AMZ2: variants seen among roughly 807,000 people sequenced by gnomAD.
AMZ2 encodes the protein archaelysin family metallopeptidase 2.
In AMZ2, 26 loss-of-function variants were observed where a neutral mutation model predicts 36.7. That is an observed-to-expected ratio of 0.71 (90% CI 0.52 to 0.98). The LOEUF (loss-of-function observed/expected upper bound fraction) is 0.98, where lower values mean the gene tolerates loss of function less well. Among genes scored for constraint, AMZ2 ranks in the 50% least tolerant of loss-of-function variants. The pLI is 0.00. For missense variants in AMZ2, 394 were observed against 430.5 expected (o/e 0.92, Z 0.75); for synonymous variants, 144 against 149.1 (o/e 0.97, Z 0.25).
chr17:68,250,993 A>G (rs781859120), intron 3 of AMZ2, 26 bp downstream of exon 3: 1 of 1,611,412 alleles, frequency 6.2e-7, no homozygotes, highest in Non-Finnish European at 8.5e-7. Context: ...TTGCAATTCG[A>G]ACTGAGTATA....
chr17:68,226,614 A>G (rs2073522522), intron 1 of AMZ2, among the ~76,000 whole-genome samples: 1 of 152,164 alleles, frequency 6.6e-6, no homozygotes, highest in Non-Finnish European at 1.5e-5. Flanking sequence ...CTTAGGTGGC[A>G]CCCAGTCTGG....
intron 1 of AMZ2, among the ~76,000 whole-genome samples, chr17:68,209,624 A>ATG (rs1453518334): frequency 1.1e-5 from 1 of 93,462 alleles, no homozygotes; most frequent in South Asian, 3.6e-4. Flanking sequence ...ATATATATAT[A>ATG]TATATATATT....
chr17:68,255,029 C>CGA (rs2074791978), intron 5 of AMZ2, among the ~76,000 whole-genome samples: 1 of 152,202 alleles, frequency 6.6e-6, no homozygotes, highest in South Asian at 2.1e-4. Flanking sequence ...GAAAGCCTAT[C>CGA]TCCCCTTTCT....
At chr17:68,206,217 A>T in exon 1 of AMZ2, 1 of 1,303,318 alleles carries the variant, frequency 7.7e-7, no homozygotes, top group Non-Finnish European at 9.8e-7. Flanking sequence ...CAGGAGCCAT[A>T]GTACCTACAG....
At chr17:68,216,483 CAA>C (rs1169315045) in intron 1 of AMZ2, among the ~76,000 whole-genome samples, 3 of 152,184 alleles carry the variant, frequency 2.0e-5, no homozygotes, top group Non-Finnish European at 4.4e-5. Flanking sequence ...GACTAAATCT[CAA>C]AGAGGTTAAA....
intron 1 of AMZ2, chr17:68,249,371 T>C: frequency 6.1e-6 from 1 of 164,532 alleles, no homozygotes; most frequent in East Asian, 1.6e-4. Context: ...AGTGGCACGA[T>C]CACGGCCCAC....
rs1235634491 is a variant in AMZ2, at chr17:68,254,600, C to A, written c.750+33C>A. The A allele has an allele frequency of 6.5e-6, 10 of 1,550,108 alleles. No homozygotes were observed. The African/African-American group carries it at 1.1e-4, about 17-fold the overall frequency. ...ATTACAAAAATCTGACAGGACAGTT[C>A]TTTAAAAGAGATCTTAGTTCCGTAA... On this transcript the variant is annotated intron_variant, in intron 5 of 6. Transcript: ENST00000359904.
intron 1 of AMZ2, among the ~76,000 whole-genome samples, chr17:68,214,036 GTT>G (rs71355806): frequency 1.8e-3 from 259 of 144,714 alleles, no homozygotes; most frequent in African/African-American, 6.1e-3. Context: ...TTAATGACAG[GTT>G]TTTTTTTTTC....
chr17:68,213,150 G>C (rs543814300), intron 1 of AMZ2, among the ~76,000 whole-genome samples: 1 of 152,274 alleles, frequency 6.6e-6, no homozygotes, highest in African/African-American at 2.4e-5. Flanking sequence ...ACATACGCCA[G>C]CCGGCTTACC....
intron 1 of AMZ2, among the ~76,000 whole-genome samples, chr17:68,218,566 C>A (rs149895756): frequency 3.5e-4 from 54 of 152,312 alleles, no homozygotes; most frequent in African/African-American, 1.3e-3. Flanking sequence ...ATCTATACAG[C>A]TTTCTACTCC....
At chr17:68,256,026 A>T in intron 6 of AMZ2, 150 bp downstream of exon 6, 1 of 892,030 alleles carries the variant, frequency 1.1e-6, no homozygotes, top group Non-Finnish European at 1.6e-6. Flanking sequence ...AAATGTGAAG[A>T]AATGCTCTTC....
At chr17:68,207,680 G>A (rs1474978187) in intron 1 of AMZ2, among the ~76,000 whole-genome samples, 1 of 152,232 alleles carries the variant, frequency 6.6e-6, no homozygotes, top group Non-Finnish European at 1.5e-5. Context: ...CCTAATGAGA[G>A]GTGACACCGT....
intron 2 of AMZ2, 27 bp downstream of exon 2, chr17:68,250,497 G>A: frequency 6.2e-7 from 1 of 1,606,788 alleles, no homozygotes; most frequent in Non-Finnish European, 8.5e-7. Flanking sequence ...TGCTGGTTTT[G>A]GTTCAGTTTT....
At chr17:68,234,787 GAAAA>G (rs1304840493) in intron 1 of AMZ2, among the ~76,000 whole-genome samples, 2 of 112,826 alleles carry the variant, frequency 1.8e-5, no homozygotes, top group African/African-American at 6.6e-5. Flanking sequence ...TCAAAAAAAA[GAAAA>G]AAAAAAAAAA....
rs2144618194 is a variant in AMZ2, at chr17:68,235,150, A to C, written c.-66-13490A>C. On this transcript the variant is annotated intron_variant, in intron 1 of 7. Coordinates refer to the AMZ2 transcript ENST00000674770. The surrounding 1 kb of genome is among the most constrained non-coding windows in gnomAD (Gnocchi z 4.2). ...TTTGTCAGCGGGCATTTCCGTAATTAGAACTTGTGACCAACACATCCAACC... is the reference window on the plus strand; with the variant it reads ...TTTGTCAGCGGGCATTTCCGTAATTCGAACTTGTGACCAACACATCCAACC... 6.6e-6 allele frequency among the ~76,000 whole-genome samples: 1 copy of C among 152,362 alleles called. No individual in the cohort carries two copies.
intron 1 of AMZ2, among the ~76,000 whole-genome samples, chr17:68,211,694 ATATATG>A (rs2073051693): frequency 3.7e-5 from 5 of 133,638 alleles, no homozygotes; most frequent in Non-Finnish European, 8.5e-5. Context: ...GTATATGTAT[ATATATG>A]TATATATGTA....
At chr17:68,229,850 A>G (rs2073615810) in intron 1 of AMZ2, among the ~76,000 whole-genome samples, 1 of 152,062 alleles carries the variant, frequency 6.6e-6, no homozygotes, top group Non-Finnish European at 1.5e-5. Flanking sequence ...CAGCTTGAAC[A>G]TGTGCACGTG....
intron 1 of AMZ2, among the ~76,000 whole-genome samples, chr17:68,228,955 C>G (rs148838022): frequency 2.0e-5 from 3 of 152,244 alleles, no homozygotes; most frequent in Non-Finnish European, 4.4e-5. Flanking sequence ...GTCTTCAGTG[C>G]CCTGAAGTCA....
chr17:68,245,401 C>CTTTT (rs57298607), upstream of AMZ2, among the ~76,000 whole-genome samples: 1 of 145,030 alleles, frequency 6.9e-6, no homozygotes, highest in Non-Finnish European at 1.5e-5. Flanking sequence ...CTACACCTGG[C>CTTTT]TTTTTTTTTT....
Sources: allele counts gnomAD v4.1 joint callset (sites outside exome capture counted in the v4.1 genomes callset), GRCh38; gene constraint gnomAD v4.1.1; non-coding constraint Gnocchi (gnomAD v3.1); transcripts MANE v1.5; gene names NCBI Gene and HGNC (gene_info 2026-07-23, HGNC 2026-07-21).